LRRC7: variants seen among roughly 807,000 people sequenced by gnomAD.
LRRC7 encodes the protein leucine-rich repeat-containing protein 7.
Under a neutral mutation model 175.7 loss-of-function variants are expected in LRRC7, and 23 were observed. The observed-to-expected ratio is 0.13, with a 90% CI of 0.09 to 0.19. The LOEUF is 0.19. Ranked by LOEUF, LRRC7 falls within the 10% of genes least tolerant of loss-of-function variation. The probability of loss-of-function intolerance (pLI) is 1.00; values close to 1 mark genes in which losing one functional copy is unlikely to be tolerated. For missense variants in LRRC7, 1,354 were observed against 1,904.7 expected, an observed-to-expected ratio of 0.71 and a Z score of 5.38; for synonymous variants, 685 against 680.9, an observed-to-expected ratio of 1.01 and a Z score of -0.09.
intron 3 of LRRC7, among the ~76,000 whole-genome samples, chr1:69,779,035 C>T (rs952159201): frequency 6.6e-6 from 1 of 150,862 alleles, no homozygotes; most frequent in Non-Finnish European, 1.5e-5. Context: ...TATATATACA[C>T]ACACACACAC....
Position 70,139,743 on chromosome 1 carries a change from A to G in LRRC7, c.*17856A>G, listed in dbSNP as rs1379831112. On this transcript the variant is annotated 3_prime_UTR_variant, in exon 27 of 27. Transcript: ENST00000651989. The stretch of plus-strand genomic sequence containing the variant: ...AATGAGACATTAATTGTAGGTTTTC[A>G]GGAAAGCTTCGGAGACACGGCAGGT... 6.6e-6 allele frequency: 1 copy of G among 152,180 alleles called. No individual in the cohort carries two copies. The highest frequency in any genetic ancestry group is 1.5e-5 in the Non-Finnish European group (1 of 68,032). 9.4% of individuals were successfully genotyped at this position (152,180 alleles called of 1,614,324 possible). A position where few individuals can be genotyped will look rare whatever the true frequency, so the allele number is the denominator to read the frequency against.
At position 69,992,956 on chromosome 1, in the gene LRRC7, G is replaced by A. The variant is rs556158235; in HGVS notation, c.932-1605G>A. Reference sequence around the variant, plus strand: ...CAAGCTTCTTGTGACCCGATTGAGTGATGTTGAGACCATCAACCCACATAC... The same window carrying A: ...CAAGCTTCTTGTGACCCGATTGAGTAATGTTGAGACCATCAACCCACATAC... On this transcript the variant is annotated intron_variant, in intron 10 of 26. Transcript: ENST00000651989. 1.7e-3 allele frequency among the ~76,000 whole-genome samples: 253 copies of A among 152,174 alleles called. No homozygotes were observed. The Middle Eastern group carries it at 0.017, about 10-fold the overall frequency.
intron 26 of LRRC7, among the ~76,000 whole-genome samples, chr1:70,117,693 A>G (rs61471568): frequency 0.025 from 3,785 of 152,114 alleles, 143 homozygotes; most frequent in African/African-American, 0.087. Flanking sequence ...TTTTTTAAGG[A>G]TTAAATTTTC....
chr1:69,647,718 A>G (rs757605021), intron 1 of LRRC7, among the ~76,000 whole-genome samples: 5 of 152,100 alleles, frequency 3.3e-5, no homozygotes, highest in Non-Finnish European at 5.9e-5. Flanking sequence ...TCAAAATCCC[A>G]TTATATGTAT....
At chr1:69,620,157 A>T (rs1650328715) in intron 1 of LRRC7, among the ~76,000 whole-genome samples, 1 of 152,178 alleles carries the variant, frequency 6.6e-6, no homozygotes, top group Admixed American at 6.5e-5. Flanking sequence ...ATATTAAAGA[A>T]ATTTGCAACA....
chr1:69,813,541 C>A (rs1292442273), intron 4 of LRRC7, among the ~76,000 whole-genome samples: 4 of 152,154 alleles, frequency 2.6e-5, no homozygotes, highest in Non-Finnish European at 4.4e-5. Context: ...CTAAAGCTCA[C>A]TTCAGAGAAG....
intron 25 of LRRC7, 131 bp from the exon 26 acceptor site, chr1:70,107,621 A>G: frequency 3.4e-6 from 2 of 595,334 alleles, no homozygotes; most frequent in South Asian, 2.5e-5. Context: ...ATACTATAAT[A>G]TTCTTTGAAG....
At chr1:69,911,812 A>T (rs1646539484) in intron 7 of LRRC7, among the ~76,000 whole-genome samples, 1 of 152,220 alleles carries the variant, frequency 6.6e-6, no homozygotes, top group Non-Finnish European at 1.5e-5. Flanking sequence ...ATTCTCTGAC[A>T]GCTTAGTCAC....
At chr1:69,835,868 T>C (rs961167085) in intron 6 of LRRC7, among the ~76,000 whole-genome samples, 1 of 151,878 alleles carries the variant, frequency 6.6e-6, no homozygotes, top group Non-Finnish European at 1.5e-5. Context: ...TCTTAAGATG[T>C]TTCCAATATG....
intron 11 of LRRC7, among the ~76,000 whole-genome samples, chr1:70,009,890 G>A (rs1315963174): frequency 6.6e-6 from 1 of 152,038 alleles, no homozygotes; most frequent in Non-Finnish European, 1.5e-5. Context: ...ATGGACAGTG[G>A]TACTTGATTT....
intron 1 of LRRC7, among the ~76,000 whole-genome samples, chr1:69,667,753 GT>G (rs1658478037): frequency 6.6e-6 from 1 of 151,984 alleles, no homozygotes; most frequent in Non-Finnish European, 1.5e-5. Context: ...TTTTTAATCT[GT>G]TCAGTCACTC....
intron 1 of LRRC7, among the ~76,000 whole-genome samples, chr1:69,591,195 A>T (rs1646619430): frequency 6.6e-6 from 1 of 152,084 alleles, no homozygotes; most frequent in African/African-American, 2.4e-5. Context: ...TATCTCTTGA[A>T]ACTTTTCAAA....
chr1:70,038,120 C>T lies in LRRC7; in HGVS notation c.2296C>T (p.Pro766Ser). The change falls in exon 21 of 27, where the codon CCA becomes TCA. Residue 766 changes from proline (P) to serine (S), a missense_variant. By Grantham distance (74) the Pro-to-Ser change is moderately conservative. This residue lies in a region of LRRC7 where 1,032 missense variants were observed against 1,227.2 expected (regional missense o/e 0.84). Transcript: ENST00000651989. ...HNSLWGNRIA[P>S]SFPQPLDSKP... ...TTCCCATTGTGTTCACAGGATTGCA[C>T]CATCTTTCCCACAGCCTCTTGATTC... 1.9e-6 allele frequency: 3 copies of T among 1,606,242 alleles called. No individual in the cohort carries two copies. Among genetic ancestry groups the T allele is most frequent in the Non-Finnish European group, 2.6e-6 (3 of 1,176,330 alleles).
At chr1:69,621,008 T>C (rs1004666968) in intron 1 of LRRC7, among the ~76,000 whole-genome samples, 9 of 152,094 alleles carry the variant, frequency 5.9e-5, no homozygotes, top group Non-Finnish European at 1.2e-4. Context: ...TTTTCTCTGT[T>C]CTTTCTACTT....
rs1463224329 is a variant in LRRC7, at chr1:69,705,393, A to G, written c.100+26915A>G. 2.0e-5 allele frequency among the ~76,000 whole-genome samples: 3 copies of G among 152,248 alleles called. No individual in the cohort carries two copies. In the East Asian group the frequency reaches 5.8e-4, roughly 29 times the overall value. On this transcript the variant is annotated intron_variant, in intron 2 of 26. Transcript: ENST00000651989. ...TTAGCCAAAGTGAGTTGCATTGTCT[A>G]GCTAACATCATTGGGACAGGATGTG...
intron 23 of LRRC7, among the ~76,000 whole-genome samples, chr1:70,075,749 T>C (rs1571251125): frequency 6.6e-6 from 1 of 152,236 alleles, no homozygotes. Context: ...AAATACCAGA[T>C]ACAGCTCCCC....
chr1:69,618,634 A>G (rs1456803344), intron 1 of LRRC7, among the ~76,000 whole-genome samples: 1 of 152,090 alleles, frequency 6.6e-6, no homozygotes, highest in Non-Finnish European at 1.5e-5. Flanking sequence ...AGATTTATGA[A>G]CTTCTTCTTC....
At position 69,733,097 on chromosome 1, in the gene LRRC7, T is replaced by G. The variant is rs895970611; in HGVS notation, c.101-27094T>G. 3.9e-5 allele frequency among the ~76,000 whole-genome samples: 6 copies of G among 151,942 alleles called. No individual in the cohort carries two copies. The South Asian group carries it at 1.2e-3, about 31-fold the overall frequency. Reference sequence around the variant, plus strand: ...ATTTAAGACATTTAGAGTTAGAGAATCACAAAAATGAGGATCAATGTGCTC... The same window carrying G: ...ATTTAAGACATTTAGAGTTAGAGAAGCACAAAAATGAGGATCAATGTGCTC... On this transcript the variant is annotated intron_variant, in intron 2 of 26. Transcript: ENST00000651989.
At chr1:69,954,871 C>G (rs1650330469) in intron 8 of LRRC7, among the ~76,000 whole-genome samples, 1 of 151,998 alleles carries the variant, frequency 6.6e-6, no homozygotes, top group African/African-American at 2.4e-5. Flanking sequence ...ATTCACTGAT[C>G]TGATAAATAG....
Sources: gnomAD v4.1 joint callset for allele counts (sites outside exome capture counted in the v4.1 genomes callset) on GRCh38, gnomAD v4.1.1 for gene constraint, gnomAD v4.1.1 regional missense constraint, MANE v1.5 for transcripts, NCBI Gene and HGNC (gene_info 2026-07-23, HGNC 2026-07-21) for gene names.